The following TNR variants were observed in gnomAD, a reference collection of about 807,000 sequenced individuals.
The protein encoded by TNR is tenascin R.
In TNR, 45 loss-of-function variants were observed where a neutral mutation model predicts 150.4. The observed-to-expected ratio is 0.30, with a 90% CI of 0.24 to 0.38. TNR has a LOEUF of 0.38. Ranked by LOEUF, TNR falls within the 10% of genes least tolerant of loss-of-function variation. The probability of loss-of-function intolerance (pLI) is 1.00; values close to 1 mark genes in which losing one functional copy is unlikely to be tolerated. For synonymous variants in TNR, 687 were observed against 678.4 expected (o/e 1.01, Z -0.20); for missense variants, 1,544 against 1,759.1 (o/e 0.88, Z 2.19).
intron 1 of TNR, among the ~76,000 whole-genome samples, chr1:175,728,956 G>C (rs1667552349): frequency 6.6e-6 from 1 of 152,146 alleles, no homozygotes; most frequent in Non-Finnish European, 1.5e-5. Flanking sequence ...GATGAAGCCG[G>C]GGTCTGAAGT....
intron 9 of TNR, among the ~76,000 whole-genome samples, chr1:175,376,407 G>A (rs1056386726): frequency 6.6e-6 from 1 of 152,202 alleles, no homozygotes; most frequent in African/African-American, 2.4e-5. Flanking sequence ...AACAGATGAA[G>A]AAACAGAGGT....
intron 1 of TNR, among the ~76,000 whole-genome samples, chr1:175,629,255 G>A (rs1057273314): frequency 3.3e-5 from 5 of 152,120 alleles, no homozygotes; most frequent in Non-Finnish European, 7.4e-5. Context: ...CCCAGGCTAC[G>A]ATGTTTCTAT....
chr1:175,515,340 T>C (rs1191762492), intron 2 of TNR, among the ~76,000 whole-genome samples: 2 of 152,214 alleles, frequency 1.3e-5, no homozygotes, highest in Non-Finnish European at 2.9e-5. Flanking sequence ...TAGTATTGAA[T>C]GCTCTGTTCA....
intron 15 of TNR, 69 bp downstream of exon 15, chr1:175,359,543 T>A: frequency 1.2e-6 from 2 of 1,610,374 alleles, no homozygotes; most frequent in Non-Finnish European, 1.7e-6. Flanking sequence ...TTTATTCACA[T>A]CATACTGGTC....
At chr1:175,331,072 T>G (rs200597188) in intron 20 of TNR, among the ~76,000 whole-genome samples, 4 of 129,012 alleles carry the variant, frequency 3.1e-5, no homozygotes, top group African/African-American at 1.3e-4. Context: ...TTTCTTTCTT[T>G]CTTTCCTTCT....
intron 1 of TNR, among the ~76,000 whole-genome samples, chr1:175,555,876 G>T (rs1180323854): frequency 1.3e-5 from 2 of 152,164 alleles, no homozygotes; most frequent in Non-Finnish European, 2.9e-5. Flanking sequence ...GAGTTGTGTG[G>T]CTATAAGATT....
At chr1:175,693,098 T>C (rs1327125960) in intron 1 of TNR, among the ~76,000 whole-genome samples, 1 of 152,226 alleles carries the variant, frequency 6.6e-6, no homozygotes, top group African/African-American at 2.4e-5. Flanking sequence ...GACAAACAGT[T>C]GTAAACTACA....
intron 21 of TNR, 74 bp from the exon 22 acceptor site, chr1:175,324,593 A>G: frequency 5.2e-6 from 8 of 1,536,398 alleles, no homozygotes; most frequent in South Asian, 2.4e-5. Flanking sequence ...CACTTGACCC[A>G]CTTCCAGCAA....
At chr1:175,679,057 T>C (rs944144816) in intron 1 of TNR, among the ~76,000 whole-genome samples, 5 of 152,228 alleles carry the variant, frequency 3.3e-5, no homozygotes, top group Non-Finnish European at 5.9e-5. Flanking sequence ...ACAGTTCACA[T>C]AAAGCAGCTT....
chr1:175,436,222 C>T (rs1417843976), intron 2 of TNR, among the ~76,000 whole-genome samples: 1 of 152,178 alleles, frequency 6.6e-6, no homozygotes. Flanking sequence ...GGATAATATC[C>T]TGCAGAGTGT....
intron 1 of TNR, among the ~76,000 whole-genome samples, chr1:175,698,256 T>C (rs539321301): frequency 1.6e-4 from 24 of 152,324 alleles, no homozygotes; most frequent in African/African-American, 5.8e-4. Flanking sequence ...GAGAATGCAC[T>C]GAGCAGGTTA....
At chr1:175,397,055 G>A (rs553402940) in intron 4 of TNR, among the ~76,000 whole-genome samples, 18 of 152,242 alleles carry the variant, frequency 1.2e-4, no homozygotes, top group African/African-American at 4.1e-4. Flanking sequence ...AATGCTGATT[G>A]TCAAATTTTC....
At chr1:175,709,418 A>G (rs1301111848) in intron 1 of TNR, among the ~76,000 whole-genome samples, 2 of 152,210 alleles carry the variant, frequency 1.3e-5, no homozygotes, top group Non-Finnish European at 2.9e-5. Flanking sequence ...TGCTTCAAAC[A>G]TAAGACCAAA....
At chr1:175,663,126 G>C (rs1301952379) in intron 1 of TNR, among the ~76,000 whole-genome samples, 1 of 152,144 alleles carries the variant, frequency 6.6e-6, no homozygotes, top group Non-Finnish European at 1.5e-5. Context: ...GGGCCTTACT[G>C]TCAAGGAACC....
At chr1:175,382,950 T>C (rs1158735882) in intron 8 of TNR, among the ~76,000 whole-genome samples, 2 of 151,402 alleles carry the variant, frequency 1.3e-5, no homozygotes, top group African/African-American at 4.9e-5. Flanking sequence ...AAGGTACAGG[T>C]GTCAGTAGGG....
intron 1 of TNR, among the ~76,000 whole-genome samples, chr1:175,738,323 G>A (rs1371208648): frequency 6.6e-6 from 1 of 152,156 alleles, no homozygotes; most frequent in Non-Finnish European, 1.5e-5. Flanking sequence ...ACATACAGTG[G>A]AATATTATTC....
intron 18 of TNR, among the ~76,000 whole-genome samples, chr1:175,351,598 T>C (rs891325865): frequency 2.0e-5 from 3 of 152,246 alleles, no homozygotes; most frequent in Non-Finnish European, 4.4e-5. Flanking sequence ...ATGTCTGGTA[T>C]GTGCCAGGCT....
At chr1:175,455,199 C>A (rs1314121396) in intron 2 of TNR, among the ~76,000 whole-genome samples, 8 of 152,210 alleles carry the variant, frequency 5.3e-5, no homozygotes, top group Non-Finnish European at 1.0e-4. Flanking sequence ...GAGCCTCCGG[C>A]CATTCTACTA....
intron 1 of TNR, among the ~76,000 whole-genome samples, chr1:175,685,650 T>A (rs950131310): frequency 2.0e-5 from 3 of 152,084 alleles, no homozygotes; most frequent in Non-Finnish European, 4.4e-5. Flanking sequence ...AGTCAAAGTC[T>A]ATACCCTGGG....
Sources: gnomAD v4.1 joint callset for allele counts (sites outside exome capture counted in the v4.1 genomes callset) on GRCh38, gnomAD v4.1.1 for gene constraint, MANE v1.5 for transcripts, NCBI Gene and HGNC (gene_info 2026-07-23, HGNC 2026-07-21) for gene names.